The following EYA4 variants were observed in gnomAD, a reference collection of about 807,000 sequenced individuals.
EYA4 encodes the protein EYA transcriptional coactivator and phosphatase 4.
A neutral mutation model predicts 87.9 loss-of-function variants in EYA4; 31 were observed. The observed-to-expected ratio is 0.35, with a 90% CI of 0.27 to 0.48. The LOEUF (loss-of-function observed/expected upper bound fraction) is 0.48. Among genes scored for constraint, EYA4 ranks in the 20% least tolerant of loss-of-function variants. The pLI is 0.99. For missense variants in EYA4, 678 were observed against 761.4 expected (o/e 0.89, Z 1.29); for synonymous variants, 263 against 270.6 (o/e 0.97, Z 0.28).
chr6:133,400,204 G>C (rs1788140195), intron 3 of EYA4, among the ~76,000 whole-genome samples: 1 of 152,166 alleles, frequency 6.6e-6, no homozygotes, highest in Non-Finnish European at 1.5e-5. Flanking sequence ...CACTGATACA[G>C]ATGCGAGTTA....
chr6:133,246,447 G>GTT (rs1307186899), intron 1 of EYA4, among the ~76,000 whole-genome samples: 1 of 145,564 alleles, frequency 6.9e-6, no homozygotes. Context: ...GAATTTTTTA[G>GTT]TTTTTTTTTT....
rs529481333 is a variant in EYA4 at position 133,497,730 on chromosome 6, A to G, written c.1192-8376A>G. 5.9e-5 allele frequency among the ~76,000 whole-genome samples: 9 copies of G among 152,318 alleles called. No individual in the cohort carries two copies. In the South Asian group the frequency reaches 1.9e-3, roughly 32 times the overall value. On this transcript the variant is annotated intron_variant, in intron 13 of 19. Coordinates refer to ENST00000355286, the MANE Select transcript of EYA4 (RefSeq NM_004100.5). Reference sequence around the variant, plus strand: ...CTTTTGTTTTCAGGGGAGGGTGAAGAAAGCTATATAAATTGTGCTTTAGGG... The same window carrying G: ...CTTTTGTTTTCAGGGGAGGGTGAAGGAAGCTATATAAATTGTGCTTTAGGG...
At chr6:133,522,118 T>TA (rs1223038397) in intron 17 of EYA4, among the ~76,000 whole-genome samples, 78 of 82,742 alleles carry the variant, frequency 9.4e-4, no homozygotes, top group Admixed American at 2.0e-3. Flanking sequence ...AGTATAATAA[T>TA]AAAAAAAAAA....
intron 18 of EYA4, among the ~76,000 whole-genome samples, chr6:133,523,659 A>T (rs527604615): frequency 2.6e-5 from 4 of 152,300 alleles, no homozygotes; most frequent in African/African-American, 7.2e-5. Flanking sequence ...GCGACTGGAA[A>T]TCTGCATTTC....
chr6:133,261,483 A>G (rs1775793370), intron 1 of EYA4, among the ~76,000 whole-genome samples: 1 of 152,144 alleles, frequency 6.6e-6, no homozygotes, highest in Admixed American at 6.5e-5. Flanking sequence ...TCTCAACACT[A>G]AAGGCACCAG....
At chr6:133,271,359 C>T (rs1328694897) in intron 1 of EYA4, among the ~76,000 whole-genome samples, 8 of 152,228 alleles carry the variant, frequency 5.3e-5, no homozygotes, top group East Asian at 1.9e-4. Flanking sequence ...AGCCCATTGT[C>T]GCACTTCTTT....
At chr6:133,520,754 A>G (rs1800046354) in intron 17 of EYA4, among the ~76,000 whole-genome samples, 1 of 152,130 alleles carries the variant, frequency 6.6e-6, no homozygotes, top group Non-Finnish European at 1.5e-5. Context: ...GGCTACAGTA[A>G]CCAAAACAGC....
At chr6:133,469,616 C>T (rs2128677653) in intron 11 of EYA4, among the ~76,000 whole-genome samples, 1 of 151,566 alleles carries the variant, frequency 6.6e-6, no homozygotes, top group Non-Finnish European at 1.5e-5. Flanking sequence ...TTTTTTTCAA[C>T]AAATGGTGCT....
At chr6:133,509,157 G>A (rs1399644111) in intron 14 of EYA4, among the ~76,000 whole-genome samples, 2 of 152,126 alleles carry the variant, frequency 1.3e-5, no homozygotes, top group Non-Finnish European at 2.9e-5. Context: ...AAAGCATTCA[G>A]TACAGTTACA....
chr6:133,346,098 C>T (rs1197611257), intron 2 of EYA4, among the ~76,000 whole-genome samples: 1 of 152,126 alleles, frequency 6.6e-6, no homozygotes, highest in Non-Finnish European at 1.5e-5. Flanking sequence ...GCTTAGGGAT[C>T]CTGAAGGAAA....
intron 13 of EYA4, among the ~76,000 whole-genome samples, chr6:133,491,494 C>T (rs1797146863): frequency 6.6e-6 from 1 of 151,984 alleles, no homozygotes; most frequent in Admixed American, 6.6e-5. Flanking sequence ...TCAGAAATTC[C>T]AAGTATTCTT....
chr6:133,523,259 C>T (rs766270503), intron 18 of EYA4, 82 bp downstream of exon 18: 275 of 1,416,392 alleles, frequency 1.9e-4, no homozygotes, highest in Non-Finnish European at 2.6e-4. Context: ...AGCAATTTCA[C>T]TTAGTACATG....
intron 2 of EYA4, among the ~76,000 whole-genome samples, chr6:133,290,164 G>T (rs940486350): frequency 6.6e-6 from 1 of 152,154 alleles, no homozygotes; most frequent in Admixed American, 6.5e-5. Context: ...ACGATTTGAT[G>T]AGGTGAGCTC....
intron 2 of EYA4, among the ~76,000 whole-genome samples, chr6:133,376,320 C>T (rs1485385832): frequency 6.6e-6 from 1 of 151,758 alleles, no homozygotes. Context: ...TTATTTATTA[C>T]ATAAACTTTC....
chr6:133,430,860 A>T (rs915809821), intron 3 of EYA4, among the ~76,000 whole-genome samples: 9 of 152,188 alleles, frequency 5.9e-5, no homozygotes, highest in Non-Finnish European at 1.3e-4. Context: ...ATTAATATAC[A>T]ATATGTCAGG....
intron 3 of EYA4, among the ~76,000 whole-genome samples, chr6:133,434,473 T>C (rs1046712022): frequency 2.0e-5 from 3 of 152,036 alleles, no homozygotes; most frequent in Non-Finnish European, 4.4e-5. Flanking sequence ...CTTTGGATAC[T>C]TTTTTTTGTG....
intron 13 of EYA4, among the ~76,000 whole-genome samples, chr6:133,483,596 A>AC (rs908907896): frequency 1.1e-3 from 160 of 151,086 alleles, no homozygotes; most frequent in African/African-American, 3.6e-3. Context: ...CCGAGGTAAC[A>AC]CCCCCTCCCA....
At chr6:133,465,888 G>A (rs143234287) in intron 10 of EYA4, among the ~76,000 whole-genome samples, 12 of 152,126 alleles carry the variant, frequency 7.9e-5, no homozygotes, top group South Asian at 2.1e-4. Flanking sequence ...AGGATTAAAC[G>A]GTGTAATTTA....
At chr6:133,523,762 T>TCGCAGACTCCAACTTCTAATAAACATTC (rs1293107464) in intron 18 of EYA4, among the ~76,000 whole-genome samples, 67 of 152,324 alleles carry the variant, frequency 4.4e-4, no homozygotes, top group African/African-American at 1.6e-3. Context: ...AGTGCATTTC[T>TCGCAGACTCCAACTTCTAATAAACATTC]CGCAGACTCC....
Sources: allele counts gnomAD v4.1 joint callset (sites outside exome capture counted in the v4.1 genomes callset), GRCh38; gene constraint gnomAD v4.1.1; transcripts MANE v1.5; gene names NCBI Gene and HGNC (gene_info 2026-07-23, HGNC 2026-07-21).